Variants in VAT1L observed in about 807,000 individuals in gnomAD.
The protein encoded by VAT1L is vesicle amine transport 1 like.
VAT1L carries 34 observed loss-of-function variants against 44.1 expected under a neutral mutation model. The ratio of observed to expected loss-of-function variants is 0.77; its 90% confidence interval spans 0.59 to 1.03. The LOEUF (loss-of-function observed/expected upper bound fraction) is 1.03. Among genes scored for constraint, VAT1L ranks in the 50% least tolerant of loss-of-function variants. The pLI is 0.00. For missense variants in VAT1L, 615 were observed against 538.8 expected (o/e 1.14, Z -1.40); for synonymous variants, 253 against 202.2 (o/e 1.25, Z -2.13).
chr16:77,890,536 G>A (rs2017253597), intron 7 of VAT1L, among the ~76,000 whole-genome samples: 2 of 152,086 alleles, frequency 1.3e-5, no homozygotes, highest in African/African-American at 4.8e-5. Flanking sequence ...ATACAGCTGT[G>A]GTCTCTGATT....
intron 7 of VAT1L, among the ~76,000 whole-genome samples, chr16:77,938,833 T>C (rs1211499618): frequency 6.6e-6 from 1 of 152,226 alleles, no homozygotes; most frequent in South Asian, 2.1e-4. Context: ...GGAAAGAAAA[T>C]AAGCAATAAA....
chr16:77,856,354 T>C (rs1488687611), intron 3 of VAT1L, among the ~76,000 whole-genome samples: 2 of 152,198 alleles, frequency 1.3e-5, no homozygotes, highest in Admixed American at 1.3e-4. Context: ...TGCTAAATCC[T>C]GAATCTCAGT....
intron 7 of VAT1L, among the ~76,000 whole-genome samples, chr16:77,944,609 G>A (rs1307278125): frequency 1.3e-5 from 2 of 152,154 alleles, no homozygotes; most frequent in Non-Finnish European, 2.9e-5. Context: ...GATTAAAGGA[G>A]ATAATGCCTG....
intron 7 of VAT1L, among the ~76,000 whole-genome samples, chr16:77,919,220 T>C (rs987768433): frequency 8.7e-6 from 1 of 115,334 alleles, no homozygotes; most frequent in Admixed American, 8.8e-5. Flanking sequence ...GCAACCTAGG[T>C]GTCCAGGGGA....
intron 7 of VAT1L, among the ~76,000 whole-genome samples, chr16:77,953,626 G>A (rs375929489): frequency 1.3e-5 from 2 of 151,968 alleles, no homozygotes; most frequent in South Asian, 2.1e-4. Context: ...CTGCGGTCTC[G>A]AACTCCTGGG....
At chr16:77,954,688 G>T in intron 7 of VAT1L, among the ~76,000 whole-genome samples, 1 of 152,164 alleles carries the variant, frequency 6.6e-6, no homozygotes, top group East Asian at 1.9e-4. Flanking sequence ...AGCCAAGCAG[G>T]GGACCTGTCT....
chr16:77,871,126 G>A (rs762908712), intron 4 of VAT1L, among the ~76,000 whole-genome samples: 1 of 152,122 alleles, frequency 6.6e-6, no homozygotes, highest in Admixed American at 6.5e-5. Flanking sequence ...ATAGCTGCTG[G>A]AATGGTTTGA....
At chr16:77,836,921 T>C (rs2016645345) in intron 3 of VAT1L, among the ~76,000 whole-genome samples, 1 of 152,194 alleles carries the variant, frequency 6.6e-6, no homozygotes, top group Non-Finnish European at 1.5e-5. Context: ...CTAAAGTAGA[T>C]TGAGCTCAAT....
intron 4 of VAT1L, among the ~76,000 whole-genome samples, chr16:77,873,793 C>A (rs2017058356): frequency 6.6e-6 from 1 of 152,134 alleles, no homozygotes; most frequent in African/African-American, 2.4e-5. Flanking sequence ...GAGAAGGAGC[C>A]AGCTCTAAGG....
chr16:77,916,610 A>G (rs1262834116), intron 7 of VAT1L, among the ~76,000 whole-genome samples: 1 of 152,068 alleles, frequency 6.6e-6, no homozygotes, highest in Non-Finnish European at 1.5e-5. Flanking sequence ...TGCTCCCATT[A>G]AGTTGTTCTG....
chr16:77,834,203 C>T (rs1248408971), intron 3 of VAT1L, among the ~76,000 whole-genome samples: 1 of 151,958 alleles, frequency 6.6e-6, no homozygotes, highest in Non-Finnish European at 1.5e-5. Flanking sequence ...CTTTCTCTTT[C>T]TCTCTCTCTC....
At chr16:77,956,326 C>T (rs2018103090) in intron 7 of VAT1L, among the ~76,000 whole-genome samples, 1 of 152,164 alleles carries the variant, frequency 6.6e-6, no homozygotes, top group South Asian at 2.1e-4. Flanking sequence ...CCTTGAACAA[C>T]AGAGACTCAG....
Position 77,842,507 on chromosome 16 carries a change from G to T in VAT1L, c.579+17046G>T, listed in dbSNP as rs1305240779. On this transcript the variant is annotated intron_variant, in intron 3 of 8. Coordinates refer to ENST00000302536, the MANE Select transcript of VAT1L (RefSeq NM_020927.3). ...AAAATGATTAATTCCTGTGCGGAGT[G>T]GGGGAATGATAGGTTAGCAGAGTTC... Among the ~76,000 whole-genome samples the T allele has an allele frequency of 3.9e-5, 6 of 152,218 alleles. No individual in the cohort carries two copies. In the East Asian group the frequency reaches 5.8e-4, roughly 15 times the overall value.
At chr16:77,897,504 CTT>C (rs1036508808) in intron 7 of VAT1L, among the ~76,000 whole-genome samples, 1 of 152,134 alleles carries the variant, frequency 6.6e-6, no homozygotes, top group Non-Finnish European at 1.5e-5. Flanking sequence ...GAGTTTCACT[CTT>C]GTCACCCAGG....
At chr16:77,881,143 G>A (rs2017149765) in intron 6 of VAT1L, among the ~76,000 whole-genome samples, 1 of 152,100 alleles carries the variant, frequency 6.6e-6, no homozygotes, top group Non-Finnish European at 1.5e-5. Flanking sequence ...CAAATGGTAG[G>A]AACTTTTATT....
chr16:77,857,126 A>T (rs968870716), intron 3 of VAT1L, among the ~76,000 whole-genome samples: 1 of 152,234 alleles, frequency 6.6e-6, no homozygotes, highest in Non-Finnish European at 1.5e-5. Context: ...TCTTACGTTC[A>T]AAAGAAGGAA....
At chr16:77,906,324 G>T (rs745882961) in intron 7 of VAT1L, among the ~76,000 whole-genome samples, 81 of 152,146 alleles carry the variant, frequency 5.3e-4, no homozygotes, top group Admixed American at 2.9e-3. Flanking sequence ...CAGGTCTGGG[G>T]AAAACCAGGC....
chr16:77,968,882 G>A (rs375746904), intron 7 of VAT1L, among the ~76,000 whole-genome samples: 80 of 152,132 alleles, frequency 5.3e-4, no homozygotes, highest in African/African-American at 1.9e-3. Context: ...ACAGTGGCGC[G>A]ATTTCAGCTC....
At chr16:77,847,137 C>A (rs1259005761) in intron 3 of VAT1L, among the ~76,000 whole-genome samples, 1 of 151,826 alleles carries the variant, frequency 6.6e-6, no homozygotes, top group African/African-American at 2.4e-5. Flanking sequence ...GGAGAACTTA[C>A]TAAAATGTTC....
Sources: gnomAD v4.1 joint callset for allele counts (sites outside exome capture counted in the v4.1 genomes callset) on GRCh38, gnomAD v4.1.1 for gene constraint, MANE v1.5 for transcripts, NCBI Gene and HGNC (gene_info 2026-07-23, HGNC 2026-07-21) for gene names.